The following TENM2 variants were observed in gnomAD, a reference collection of about 807,000 sequenced individuals.
TENM2 encodes teneurin transmembrane protein 2.
A neutral mutation model predicts 245.2 loss-of-function variants in TENM2; 52 were observed. The observed-to-expected ratio is 0.21, with a 90% CI of 0.17 to 0.27. The LOEUF (loss-of-function observed/expected upper bound fraction) is 0.27, where lower values mean the gene tolerates loss of function less well. Among genes scored for constraint, TENM2 ranks in the 10% least tolerant of loss-of-function variants. The pLI is 1.00. For synonymous variants in TENM2, 1,363 were observed against 1,438.9 expected, an observed-to-expected ratio of 0.95 and a Z score of 1.19; for missense variants, 3,046 against 3,666.8, an observed-to-expected ratio of 0.83 and a Z score of 4.37.
At position 167,605,963 on chromosome 5, in the gene TENM2, C is replaced by A. The variant is rs548007693; in HGVS notation, c.502+230490C>A. Among the ~76,000 whole-genome samples, 8 of 152,270 alleles carry A rather than the reference C, an allele frequency of 5.3e-5. No homozygotes were observed. The East Asian group carries it at 1.5e-3, about 29-fold the overall frequency. On this transcript the variant is annotated intron_variant, in intron 2 of 28. Coordinates refer to ENST00000518659, the Ensembl canonical transcript of TENM2. ...TGTTAAAAGCTTCCTTAGGGGGCTT[C>A]TCATGCATTTACCCTCTTGGAAAAC...
Position 167,897,673 on chromosome 5 carries a change from G to A in TENM2, c.712+21478G>A, listed in dbSNP as rs182260133. On this transcript the variant is annotated intron_variant, in intron 3 of 28. Coordinates refer to ENST00000518659, the Ensembl canonical transcript of TENM2. ...TTTTTCCCAGTAATGGGATATTCCAGCCATAGTCTCATTGGCACCCACAGT... is the reference window on the plus strand; with the variant it reads ...TTTTTCCCAGTAATGGGATATTCCAACCATAGTCTCATTGGCACCCACAGT... Among the ~76,000 whole-genome samples, 115 of 152,320 alleles carry A rather than the reference G, an allele frequency of 7.5e-4. No homozygotes were observed. The East Asian group carries it at 0.018, about 24-fold the overall frequency.
intron 6 of TENM2, among the ~76,000 whole-genome samples, chr5:168,060,008 G>A (rs1030631986): frequency 2.0e-5 from 3 of 152,140 alleles, no homozygotes; most frequent in African/African-American, 7.2e-5. Flanking sequence ...GGCAATTTCA[G>A]CCCAGGGTCT....
rs144497842 is a variant in TENM2 at position 167,725,169 on chromosome 5, AT to A, written c.503-150807del. Reference sequence around the variant, plus strand: ...ATGGATTCTTATTAAAATTCAATAAATTTTTTTTTTACCCCAAATGTGGTCA... The same window carrying A: ...ATGGATTCTTATTAAAATTCAATAAATTTTTTTTTACCCCAAATGTGGTCA... On this transcript the variant is annotated intron_variant, in intron 2 of 28. Transcript: ENST00000518659. Among the ~76,000 whole-genome samples, 32 of 150,630 alleles carry A rather than the reference AT, an allele frequency of 2.1e-4. No individual in the cohort carries two copies. In the South Asian group the frequency reaches 4.0e-3, roughly 19 times the overall value.
intron 2 of TENM2, among the ~76,000 whole-genome samples, chr5:167,538,554 T>G (rs543067271): frequency 6.6e-6 from 1 of 152,334 alleles, no homozygotes; most frequent in East Asian, 1.9e-4. Flanking sequence ...TTCCATTCAC[T>G]TGGTGTTTGT....
intron 2 of TENM2, among the ~76,000 whole-genome samples, chr5:167,575,453 C>T (rs1774583676): frequency 6.6e-6 from 1 of 151,960 alleles, no homozygotes; most frequent in South Asian, 2.1e-4. Flanking sequence ...TTTTTTCTTC[C>T]CAAGTTTCCA....
intron 2 of TENM2, among the ~76,000 whole-genome samples, chr5:167,834,884 T>G (rs1420325488): frequency 6.6e-6 from 1 of 152,132 alleles, no homozygotes; most frequent in Non-Finnish European, 1.5e-5. Context: ...TCTCCTGACC[T>G]CGTGATCCGC....
chr5:167,075,689 AC>A, the TENM2 span, among the ~76,000 whole-genome samples: 3 of 152,202 alleles, frequency 2.0e-5, no homozygotes, highest in Non-Finnish European at 4.4e-5. Context: ...CACTACTGCA[AC>A]CAAAAATGTT....
At chr5:168,230,278 T>TCTTAA (rs1434238419) in intron 25 of TENM2, among the ~76,000 whole-genome samples, 1 of 152,222 alleles carries the variant, frequency 6.6e-6, no homozygotes, top group African/African-American at 2.4e-5. Context: ...CATTTAGCTC[T>TCTTAA]CTTAAATGAA....
intron 2 of TENM2, among the ~76,000 whole-genome samples, chr5:167,553,931 G>A (rs1562050135): frequency 6.6e-6 from 1 of 152,224 alleles, no homozygotes; most frequent in Admixed American, 6.5e-5. Flanking sequence ...CTGAGAAGGG[G>A]AGGAGGAGGG....
chr5:168,106,053 G>T (rs1264008377), intron 9 of TENM2, among the ~76,000 whole-genome samples: 1 of 152,040 alleles, frequency 6.6e-6, no homozygotes, highest in East Asian at 1.9e-4. Flanking sequence ...TGAGCTTGAG[G>T]CCTCAACCTG....
intron 2 of TENM2, among the ~76,000 whole-genome samples, chr5:167,716,364 C>A (rs1759257355): frequency 6.6e-6 from 1 of 152,238 alleles, no homozygotes; most frequent in Non-Finnish European, 1.5e-5. Flanking sequence ...TGCATCGTAT[C>A]TGTGAAATGT....
At chr5:167,876,938 T>G (rs1307362695) in intron 3 of TENM2, among the ~76,000 whole-genome samples, 2 of 152,180 alleles carry the variant, frequency 1.3e-5, no homozygotes, top group African/African-American at 2.4e-5. Flanking sequence ...CTCTGAATCT[T>G]GGGTGGAATT....
the TENM2 span, among the ~76,000 whole-genome samples, chr5:167,204,118 A>G: frequency 1.3e-5 from 2 of 152,000 alleles, no homozygotes; most frequent in South Asian, 4.2e-4. Flanking sequence ...CATTCTCTGT[A>G]AGTATTTGCT....
chr5:167,205,725 A>G, the TENM2 span, among the ~76,000 whole-genome samples: 1 of 152,172 alleles, frequency 6.6e-6, no homozygotes, highest in Admixed American at 6.5e-5. Context: ...GTAGCTTAGC[A>G]GGGTTCTTTC....
At chr5:168,257,615 ATTTTTT>A (rs58911868) in intron 27 of TENM2, among the ~76,000 whole-genome samples, 1,324 of 131,002 alleles carry the variant, frequency 0.01, 24 homozygotes, top group African/African-American at 0.036. Context: ...GCAGCTCCTG[ATTTTTT>A]TTTTTTTTTT....
intron 2 of TENM2, among the ~76,000 whole-genome samples, chr5:167,437,617 C>T (rs1055813613): frequency 1.3e-5 from 2 of 152,090 alleles, no homozygotes; most frequent in Non-Finnish European, 2.9e-5. Flanking sequence ...GCTGTGTCCC[C>T]ACCCAAATCT....
the TENM2 span, among the ~76,000 whole-genome samples, chr5:167,013,542 C>T: frequency 1.9e-3 from 287 of 151,944 alleles, no homozygotes; most frequent in African/African-American, 5.7e-3. Context: ...CCTGTCTCCC[C>T]TAAAAAATAC....
intron 1 of TENM2, among the ~76,000 whole-genome samples, chr5:167,360,543 C>T (rs1300353835): frequency 1.3e-5 from 2 of 152,078 alleles, no homozygotes; most frequent in African/African-American, 4.8e-5. Flanking sequence ...ATGGTATCCT[C>T]CATTTATGGT....
At chr5:167,065,342 A>G in the TENM2 span, among the ~76,000 whole-genome samples, 1 of 152,210 alleles carries the variant, frequency 6.6e-6, no homozygotes, top group Non-Finnish European at 1.5e-5. Context: ...CATTTGGTAT[A>G]TGGGATCTTT....
Sources: gnomAD v4.1 joint callset for allele counts (sites outside exome capture counted in the v4.1 genomes callset) on GRCh38, gnomAD v4.1.1 for gene constraint, MANE v1.5 for transcripts, NCBI Gene and HGNC (gene_info 2026-07-23, HGNC 2026-07-21) for gene names.